CYSTM1: variants seen among roughly 807,000 people sequenced by gnomAD.
The protein encoded by CYSTM1 is cysteine-rich transmembrane module-containing protein 1.
In CYSTM1, 4 loss-of-function variants were observed where a neutral mutation model predicts 13.1. The observed-to-expected ratio is 0.31, with a 90% CI of 0.15 to 0.70. The LOEUF (loss-of-function observed/expected upper bound fraction) is 0.70, where lower values mean the gene tolerates loss of function less well. Ranked by LOEUF, CYSTM1 falls within the 30% of genes least tolerant of loss-of-function variation. CYSTM1 has a pLI of 0.72. For synonymous variants in CYSTM1, 36 were observed against 42.7 expected (o/e 0.84, Z 0.62); for missense variants, 96 against 121.6 (o/e 0.79, Z 0.99).
At chr5:140,242,438 A>G (rs973462375) in intron 2 of CYSTM1, among the ~76,000 whole-genome samples, 1 of 152,224 alleles carries the variant, frequency 6.6e-6, no homozygotes, top group Non-Finnish European at 1.5e-5. Context: ...TCATGCATTC[A>G]TGAACTTTGG....
At chr5:140,236,513 C>G (rs951403465) in intron 2 of CYSTM1, among the ~76,000 whole-genome samples, 1 of 152,230 alleles carries the variant, frequency 6.6e-6, no homozygotes, top group African/African-American at 2.4e-5. Flanking sequence ...ACTATATGAT[C>G]TCACTATTTA....
At chr5:140,196,793 TCAAAAACAGA>T (rs1561810756) in intron 2 of CYSTM1, among the ~76,000 whole-genome samples, 1 of 152,142 alleles carries the variant, frequency 6.6e-6, no homozygotes, top group Admixed American at 6.5e-5. Flanking sequence ...TATGTGAAAT[TCAAAAACAGA>T]CAAAAACTAT....
At chr5:140,186,578 G>A (rs111571570) in intron 1 of CYSTM1, among the ~76,000 whole-genome samples, 19 of 152,210 alleles carry the variant, frequency 1.2e-4, no homozygotes, top group African/African-American at 3.4e-4. Flanking sequence ...CTTACAGTAC[G>A]CTCTGCTTCC....
At chr5:140,234,973 T>C (rs1439473532) in intron 2 of CYSTM1, among the ~76,000 whole-genome samples, 5 of 150,466 alleles carry the variant, frequency 3.3e-5, no homozygotes, top group Non-Finnish European at 7.4e-5. Context: ...TTCATAATTT[T>C]TTTTTTTTTT....
At chr5:140,179,151 T>C (rs927804441) in intron 1 of CYSTM1, among the ~76,000 whole-genome samples, 1 of 151,904 alleles carries the variant, frequency 6.6e-6, no homozygotes, top group African/African-American at 2.4e-5. Flanking sequence ...TCCTAGCTAC[T>C]CAGGAGGCTG....
intron 2 of CYSTM1, among the ~76,000 whole-genome samples, chr5:140,240,592 T>C (rs1764736431): frequency 6.6e-6 from 1 of 151,552 alleles, no homozygotes; most frequent in Non-Finnish European, 1.5e-5. Context: ...ACGGGGATGG[T>C]AGCAGAGCAG....
chr5:140,228,526 T>G (rs1268581151), intron 2 of CYSTM1, among the ~76,000 whole-genome samples: 1 of 152,188 alleles, frequency 6.6e-6, no homozygotes, highest in Non-Finnish European at 1.5e-5. Flanking sequence ...TGATAGCTGC[T>G]GAGTACCTGA....
intron 2 of CYSTM1, among the ~76,000 whole-genome samples, chr5:140,225,767 C>T (rs1272839321): frequency 6.6e-6 from 1 of 152,222 alleles, no homozygotes; most frequent in Non-Finnish European, 1.5e-5. Flanking sequence ...GTCCCCTCCC[C>T]AGCATTCTTG....
chr5:140,221,021 A>T (rs1764482624), intron 2 of CYSTM1, among the ~76,000 whole-genome samples: 1 of 152,152 alleles, frequency 6.6e-6, no homozygotes, highest in Non-Finnish European at 1.5e-5. Context: ...TGGAATTCTC[A>T]TGTATAAACA....
At chr5:140,214,437 G>T (rs1764405195) in intron 2 of CYSTM1, among the ~76,000 whole-genome samples, 2 of 152,222 alleles carry the variant, frequency 1.3e-5, no homozygotes, top group Non-Finnish European at 2.9e-5. Context: ...AATTTATTCA[G>T]CTGGCTGATG....
At chr5:140,238,972 C>T (rs761806269) in intron 2 of CYSTM1, among the ~76,000 whole-genome samples, 54 of 152,248 alleles carry the variant, frequency 3.5e-4, no homozygotes, top group Middle Eastern at 3.4e-3. Context: ...GGGTGCCCAT[C>T]GCTGGTCTGG....
Position 140,230,300 on chromosome 5 carries a change from T to C in CYSTM1, c.188-13005T>C, listed in dbSNP as rs1764604627. Among the ~76,000 whole-genome samples, 2 of 152,226 alleles carry C rather than the reference T, an allele frequency of 1.3e-5. No individual in the cohort carries two copies. The highest frequency in any genetic ancestry group is 2.1e-4 in the South Asian group (1 of 4,834). ...AGCAAAAGGGGCTCACTGCCTGATG[T>C]GCTAGAAGCCAATTCCATGACACTG... On this transcript the variant is annotated intron_variant, in intron 2 of 2. Coordinates refer to ENST00000261811, the MANE Select transcript of CYSTM1 (RefSeq NM_032412.4). The surrounding 1 kb of genome is among the most constrained non-coding windows in gnomAD (Gnocchi z 4.1).
chr5:140,177,668 C>A (rs1277321376), intron 1 of CYSTM1, among the ~76,000 whole-genome samples: 14 of 152,146 alleles, frequency 9.2e-5, no homozygotes, highest in Non-Finnish European at 2.1e-4. Context: ...GTAAAAGAAG[C>A]CCCGAAGTGT....
At chr5:140,204,211 T>C (rs188163660) in intron 2 of CYSTM1, among the ~76,000 whole-genome samples, 20 of 152,046 alleles carry the variant, frequency 1.3e-4, no homozygotes, top group Middle Eastern at 3.4e-3. Context: ...TCTCTACAAA[T>C]AATAAAAGAA....
chr5:140,175,652 G>T lies in CYSTM1; in HGVS notation c.-21+367G>T, dbSNP rs1763873199. The stretch of plus-strand genomic sequence containing the variant: ...GGGGGACGTCCGCGGGAGGCTTCTG[G>T]ATTTCTTCGCCTTGGGCTGCGATTT... On this transcript the variant is annotated intron_variant, in intron 1 of 2. Coordinates refer to ENST00000261811, the MANE Select transcript of CYSTM1 (RefSeq NM_032412.4). This position sits in a 1 kb window ranked among gnomAD's most constrained non-coding sequence, Gnocchi z 4.9. Among the ~76,000 whole-genome samples, 1 of 152,268 alleles carries T rather than the reference G, an allele frequency of 6.6e-6. No individual in the cohort carries two copies. Among genetic ancestry groups the T allele is most frequent in the African/African-American group, 2.4e-5 (1 of 41,480 alleles).
intron 2 of CYSTM1, among the ~76,000 whole-genome samples, chr5:140,242,000 C>T (rs964919744): frequency 2.6e-5 from 4 of 152,232 alleles, no homozygotes; most frequent in African/African-American, 7.2e-5. Flanking sequence ...CTCTAAGCCT[C>T]GAATTCCTTG....
At chr5:140,233,585 G>T (rs1160160728) in intron 2 of CYSTM1, among the ~76,000 whole-genome samples, 1 of 152,210 alleles carries the variant, frequency 6.6e-6, no homozygotes, top group Admixed American at 6.5e-5. Context: ...CTTTGGCATC[G>T]TGCGTTCCTA....
chr5:140,198,549 T>C (rs902525446), intron 2 of CYSTM1, among the ~76,000 whole-genome samples: 2 of 152,232 alleles, frequency 1.3e-5, no homozygotes, highest in African/African-American at 4.8e-5. Flanking sequence ...AGAGTGAAAG[T>C]GGAAGCTGCC....
chr5:140,237,378 C>T (rs541500649), intron 2 of CYSTM1, among the ~76,000 whole-genome samples: 1 of 152,310 alleles, frequency 6.6e-6, no homozygotes, highest in Admixed American at 6.5e-5. Flanking sequence ...TGATTTGAGG[C>T]GAGCCTGATC....
Sources: gnomAD v4.1 joint callset for allele counts (sites outside exome capture counted in the v4.1 genomes callset) on GRCh38, gnomAD v4.1.1 for gene constraint, Gnocchi (gnomAD v3.1) non-coding constraint, MANE v1.5 for transcripts, NCBI Gene and HGNC (gene_info 2026-07-23, HGNC 2026-07-21) for gene names.